CTNNA2: variants seen among roughly 807,000 people sequenced by gnomAD.
CTNNA2 encodes the protein catenin alpha 2.
Under a neutral mutation model 101.0 loss-of-function variants are expected in CTNNA2, and 42 were observed. The ratio of observed to expected loss-of-function variants is 0.42; its 90% CI spans 0.32 to 0.54. The LOEUF (loss-of-function observed/expected upper bound fraction) is 0.54. Among genes scored for constraint, CTNNA2 ranks in the 20% least tolerant of loss-of-function variants. CTNNA2 has a pLI of 0.14. For synonymous variants in CTNNA2, 450 were observed against 456.4 expected (o/e 0.99, Z 0.18); for missense variants, 871 against 1,223.1 (o/e 0.71, Z 4.29).
chr2:79,691,733 A>G (rs907396478), intron 2 of CTNNA2, among the ~76,000 whole-genome samples: 1 of 152,038 alleles, frequency 6.6e-6, no homozygotes, highest in Non-Finnish European at 1.5e-5. Context: ...ATCCACAACT[A>G]TCTGATTTTG....
In CTNNA2 at chr2:80,138,851, A is replaced by G. The variant is rs539167873; in HGVS notation, c.1056+229054A>G. Reference sequence around the variant, plus strand: ...AGATCAATAAAAATGCTTGCAGAATACATAGTCAACATTCCAATAAAAAAT... The same window carrying G: ...AGATCAATAAAAATGCTTGCAGAATGCATAGTCAACATTCCAATAAAAAAT... On this transcript the variant is annotated intron_variant, in intron 7 of 18. Coordinates refer to ENST00000402739, the MANE Select transcript of CTNNA2 (RefSeq NM_001282597.3). Among the ~76,000 whole-genome samples the G allele has an allele frequency of 1.4e-4, 21 of 152,318 alleles. No individual in the cohort carries two copies. The South Asian group carries it at 1.9e-3, about 14-fold the overall frequency.
intron 2 of CTNNA2, among the ~76,000 whole-genome samples, chr2:79,264,021 T>C (rs1452713733): frequency 6.6e-6 from 1 of 152,180 alleles, no homozygotes; most frequent in African/African-American, 2.4e-5. Flanking sequence ...CACATGCAAA[T>C]CTTTATTATT....
At chr2:80,633,499 T>C (rs868438622) in intron 18 of CTNNA2, among the ~76,000 whole-genome samples, 13 of 152,284 alleles carry the variant, frequency 8.5e-5, no homozygotes, top group African/African-American at 3.1e-4. Context: ...TGACTCACGC[T>C]TGTGAACAGT....
intron 15 of CTNNA2, 104 bp downstream of exon 15, chr2:80,589,589 C>CCTT: frequency 1.9e-6 from 2 of 1,054,840 alleles, no homozygotes; most frequent in Non-Finnish European, 2.7e-6. Context: ...AATATACCAA[C>CCTT]GCAAGGTGGT....
intron 3 of CTNNA2, among the ~76,000 whole-genome samples, chr2:79,755,438 A>G (rs763070872): frequency 6.6e-6 from 1 of 152,196 alleles, no homozygotes; most frequent in Non-Finnish European, 1.5e-5. Context: ...CAGCTGAGCT[A>G]GAGATCTGAT....
chr2:79,913,110 C>T (rs1009124577), intron 7 of CTNNA2, among the ~76,000 whole-genome samples: 2 of 152,100 alleles, frequency 1.3e-5, no homozygotes, highest in African/African-American at 4.8e-5. Context: ...AGGAGACAGA[C>T]AGTAAATACT....
chr2:79,733,937 C>G (rs1160364131), intron 2 of CTNNA2, among the ~76,000 whole-genome samples: 2 of 152,088 alleles, frequency 1.3e-5, no homozygotes, highest in African/African-American at 4.8e-5. Flanking sequence ...CTTTGCCTAA[C>G]ATACTATTGA....
intron 8 of CTNNA2, among the ~76,000 whole-genome samples, chr2:80,410,536 T>C (rs1282761591): frequency 6.6e-6 from 1 of 152,226 alleles, no homozygotes; most frequent in African/African-American, 2.4e-5. Flanking sequence ...TAACGAATGA[T>C]TTTGTCAAGT....
At chr2:79,222,266 CAAAT>C (rs777383493) in intron 2 of CTNNA2, among the ~76,000 whole-genome samples, 1 of 152,214 alleles carries the variant, frequency 6.6e-6, no homozygotes, top group Non-Finnish European at 1.5e-5. Flanking sequence ...TGTGTGTTGT[CAAAT>C]AAACCACTAC....
intron 7 of CTNNA2, among the ~76,000 whole-genome samples, chr2:80,248,281 C>T (rs555191806): frequency 6.6e-6 from 1 of 152,224 alleles, no homozygotes; most frequent in Non-Finnish European, 1.5e-5. Context: ...GTCTGAAGTG[C>T]GGTCCCTCTC....
At chr2:79,506,779 G>A (rs546408777) in intron 5 of CTNNA2, among the ~76,000 whole-genome samples, 50 of 152,280 alleles carry the variant, frequency 3.3e-4, no homozygotes, top group Middle Eastern at 3.4e-3. Context: ...GTCCCAAATC[G>A]TTTTCACTAT....
rs192465274 is a variant in CTNNA2, at chr2:80,081,023, A to T, written c.1056+171226A>T. On this transcript the variant is annotated intron_variant, in intron 7 of 18. Coordinates refer to ENST00000402739, the MANE Select transcript of CTNNA2 (RefSeq NM_001282597.3). ...ATGGGACATACTTTATACGTGTGGA[A>T]CCAGTTATAGAAATGCCGTTTGAGG... 2.0e-3 allele frequency among the ~76,000 whole-genome samples: 301 copies of T among 151,438 alleles called. 1 individual carries two copies. Among genetic ancestry groups the T allele is most frequent in the African/African-American group, 7.1e-3 (294 of 41,254 alleles).
rs139640302 is a variant in CTNNA2, at chr2:80,614,316, A to C, written c.2431-4769A>C. On this transcript the variant is annotated intron_variant, in intron 17 of 18. Coordinates refer to ENST00000402739, the MANE Select transcript of CTNNA2 (RefSeq NM_001282597.3). ...ATAAAAGTAACAATACAGCAATAAA[A>C]ATAGTACAGATAAAACACAATGTAG... Among the ~76,000 whole-genome samples the C allele has an allele frequency of 6.1e-3, 927 of 151,654 alleles. 17 individuals are homozygous for C. The highest frequency in any genetic ancestry group is 0.021 in the African/African-American group (870 of 41,474).
chr2:80,333,153 G>A (rs529849527), intron 7 of CTNNA2, among the ~76,000 whole-genome samples: 8 of 152,184 alleles, frequency 5.3e-5, no homozygotes, highest in Non-Finnish European at 5.9e-5. Flanking sequence ...AAAAGTTTTC[G>A]GATCCCTGTA....
chr2:79,572,147 A>T (rs552285466), intron 1 of CTNNA2, among the ~76,000 whole-genome samples: 1 of 152,120 alleles, frequency 6.6e-6, no homozygotes, highest in Non-Finnish European at 1.5e-5. Context: ...ATGAGATGGC[A>T]TGATAAAGCA....
chr2:80,488,616 C>T (rs1686786120), intron 9 of CTNNA2, among the ~76,000 whole-genome samples: 1 of 152,172 alleles, frequency 6.6e-6, no homozygotes, highest in Non-Finnish European at 1.5e-5. Flanking sequence ...AGATAGCCAC[C>T]TCTGAGTTCA....
Position 80,407,640 on chromosome 2 carries a change from T to C in CTNNA2, c.1138-11809T>C, listed in dbSNP as rs143454957. Among the ~76,000 whole-genome samples the C allele has an allele frequency of 8.7e-4, 132 of 152,240 alleles. No homozygotes were observed. In the Middle Eastern group the frequency reaches 0.02, roughly 24 times the overall value. ...TAAACCTAGCTTGAGATAAGACAAA[T>C]ATGGTGTAAGCACCTGAATTCCCTG... is the stretch of plus-strand genomic sequence containing the variant. On this transcript the variant is annotated intron_variant, in intron 8 of 18. Transcript: ENST00000402739.
At chr2:80,295,225 A>ATTT (rs11371104) in intron 7 of CTNNA2, among the ~76,000 whole-genome samples, 2 of 147,096 alleles carry the variant, frequency 1.4e-5, no homozygotes, top group Non-Finnish European at 1.5e-5. Flanking sequence ...TCCTGAACAA[A>ATTT]TTTTTTTTTT....
At chr2:80,282,954 G>T (rs531793641) in intron 7 of CTNNA2, among the ~76,000 whole-genome samples, 37 of 152,202 alleles carry the variant, frequency 2.4e-4, no homozygotes, top group Middle Eastern at 3.4e-3. Context: ...ATATGGGCTA[G>T]TGGATCCTCA....
Sources: allele counts gnomAD v4.1 joint callset (sites outside exome capture counted in the v4.1 genomes callset), GRCh38; gene constraint gnomAD v4.1.1; transcripts MANE v1.5; gene names NCBI Gene and HGNC (gene_info 2026-07-23, HGNC 2026-07-21).